Variants in CPLX4 observed in about 807,000 individuals in gnomAD.
CPLX4 encodes the protein complexin-4.
A neutral mutation model predicts 16.1 loss-of-function variants in CPLX4; 17 were observed. The ratio of observed to expected loss-of-function variants is 1.06; its 90% CI spans 0.72 to 1.59. The LOEUF (loss-of-function observed/expected upper bound fraction) is 1.59, where lower values mean the gene tolerates loss of function less well. Among genes scored for constraint, CPLX4 ranks in the 40% most tolerant of loss-of-function variants. The probability of loss-of-function intolerance (pLI) is 0.00; values close to 1 mark genes in which losing one functional copy is unlikely to be tolerated. For missense variants in CPLX4, 193 were observed against 192.9 expected, an observed-to-expected ratio of 1.00 and a Z score of 0.00; for synonymous variants, 55 against 57.8, an observed-to-expected ratio of 0.95 and a Z score of 0.22.
intron 2 of CPLX4, among the ~76,000 whole-genome samples, 174 bp downstream of exon 2, chr18:59,312,511 A>G (rs2070624059): frequency 6.8e-6 from 1 of 147,522 alleles, no homozygotes; most frequent in Non-Finnish European, 1.5e-5. Context: ...GAATATATAT[A>G]TATCCTGAAT....
At chr18:59,309,633 T>C (rs995157222) in intron 2 of CPLX4, among the ~76,000 whole-genome samples, 8 of 151,710 alleles carry the variant, frequency 5.3e-5, no homozygotes, top group South Asian at 4.2e-4. Flanking sequence ...ACCATCCTGG[T>C]TAACACGGTG....
At chr18:59,314,602 C>T (rs940052816) in intron 1 of CPLX4, among the ~76,000 whole-genome samples, 57 of 152,172 alleles carry the variant, frequency 3.7e-4, no homozygotes, top group African/African-American at 1.4e-3. Flanking sequence ...CCCAAAAACC[C>T]TCTCAAGATA....
chr18:59,305,464 T>A (rs1186124123), intron 2 of CPLX4, among the ~76,000 whole-genome samples: 1 of 152,236 alleles, frequency 6.6e-6, no homozygotes, highest in East Asian at 1.9e-4. Context: ...AGAAAAGCTA[T>A]GGTGAATTGA....
In CPLX4 at chr18:59,318,422, T is replaced by G. The variant is rs1398426786; in HGVS notation, c.41A>C (p.Lys14Thr). The stretch of plus-strand genomic sequence containing the variant: ...AGACCCACCACCAAATCCTAAATTC[T>G]TTACCTGGTTACTTATCATACTTTT... Reference protein sequence around the residue: ...LMKSMISNQVKNLGFGGGSEE... With the variant: ...LMKSMISNQVTNLGFGGGSEE... The change falls in exon 1 of 3, where the codon AAG (lysine) becomes ACG (threonine). Residue 14 changes from lysine (K) to threonine (T), a missense_variant. By Grantham distance (78) the Lys-to-Thr change is moderately conservative. Coordinates refer to ENST00000299721, the MANE Select transcript of CPLX4 (RefSeq NM_181654.4). 9 of 1,613,718 alleles carry G rather than the reference T, an allele frequency of 5.6e-6. No homozygotes were observed. In the East Asian group the frequency reaches 1.6e-4, roughly 28 times the overall value.
chr18:59,297,494 G>A (rs1316708310), intron 2 of CPLX4, among the ~76,000 whole-genome samples: 1 of 152,018 alleles, frequency 6.6e-6, no homozygotes, highest in Non-Finnish European at 1.5e-5. Flanking sequence ...TGGCCAGGCT[G>A]GTCTCGAACT....
chr18:59,311,419 A>G (rs1422404749), intron 2 of CPLX4, among the ~76,000 whole-genome samples: 1 of 152,182 alleles, frequency 6.6e-6, no homozygotes, highest in South Asian at 2.1e-4. Flanking sequence ...TGGTGATTTC[A>G]TCAGTGACCT....
chr18:59,304,642 G>A (rs887884170), intron 2 of CPLX4, among the ~76,000 whole-genome samples: 1 of 152,074 alleles, frequency 6.6e-6, no homozygotes, highest in Admixed American at 6.6e-5. Flanking sequence ...CACAATCTCG[G>A]CTCACTGCAA....
chr18:59,309,528 T>C (rs1469145697), intron 2 of CPLX4, among the ~76,000 whole-genome samples: 1 of 152,080 alleles, frequency 6.6e-6, no homozygotes, highest in East Asian at 1.9e-4. Flanking sequence ...CTCAAAATAT[T>C]AAGAGTAGAA....
chr18:59,314,244 C>A (rs1308516299), intron 1 of CPLX4, among the ~76,000 whole-genome samples: 2 of 152,124 alleles, frequency 1.3e-5, no homozygotes, highest in Admixed American at 6.5e-5. Context: ...AAGCAGCAGA[C>A]CTTTTCTCCC....
At chr18:59,308,912 G>A (rs985496339) in intron 2 of CPLX4, among the ~76,000 whole-genome samples, 1 of 152,236 alleles carries the variant, frequency 6.6e-6, no homozygotes, top group Non-Finnish European at 1.5e-5. Flanking sequence ...GTGACAGCGC[G>A]GGAGGCAGAG....
intron 2 of CPLX4, among the ~76,000 whole-genome samples, chr18:59,303,310 C>T (rs1413519339): frequency 1.3e-5 from 2 of 152,080 alleles, no homozygotes; most frequent in Non-Finnish European, 2.9e-5. Flanking sequence ...AGTGTGCATG[C>T]GTTGGGAGCT....
At position 59,296,564 on chromosome 18, in the gene CPLX4, A is replaced by G. The variant is rs2070501881; in HGVS notation, c.*134T>C. On this transcript the variant is annotated 3_prime_UTR_variant, in exon 3 of 3. Transcript: ENST00000299721. ...CAGGAATATTTAGAACAACCAAATT[A>G]TTGTCTGTCAATGGATCATCGTGGT... 1 of 910,714 alleles carries G rather than the reference A, an allele frequency of 1.1e-6. No individual in the cohort carries two copies. The highest frequency in any genetic ancestry group is 1.7e-6 in the Non-Finnish European group (1 of 591,126). The allele number at this position is 910,714 out of a possible 1,614,324, so 56.4% of individuals were successfully genotyped here.
chr18:59,300,589 C>G (rs944570477), intron 2 of CPLX4, among the ~76,000 whole-genome samples: 11 of 152,166 alleles, frequency 7.2e-5, no homozygotes, highest in African/African-American at 2.4e-4. Context: ...TAGATGGCCT[C>G]TTTGAGCTTT....
chr18:59,300,698 A>G (rs1344201792), intron 2 of CPLX4, among the ~76,000 whole-genome samples: 1 of 152,218 alleles, frequency 6.6e-6, no homozygotes. Context: ...TTAAGCACTC[A>G]CCCAGTAGTA....
chr18:59,308,024 C>T lies in CPLX4; in HGVS notation c.255+4661G>A, dbSNP rs141341520. 8.3e-3 allele frequency among the ~76,000 whole-genome samples: 1,256 copies of T among 151,920 alleles called. 19 individuals carry two copies. The highest frequency in any genetic ancestry group is 0.028 in the African/African-American group (1,176 of 41,428). ...AACTCTTGACCTCAGGTGATCCGCC[C>T]GCCTCGGCCTCTCAATGTGCTGGGA... is the stretch of plus-strand genomic sequence containing the variant. On this transcript the variant is annotated intron_variant, in intron 2 of 2. Transcript: ENST00000299721.
At chr18:59,309,839 AAAAG>A (rs568766262) in intron 2 of CPLX4, among the ~76,000 whole-genome samples, 2,631 of 110,272 alleles carry the variant, frequency 0.024, 50 homozygotes, top group East Asian at 0.12. Context: ...AAAAAAAAAA[AAAAG>A]AAAAAGAAAA....
intron 2 of CPLX4, among the ~76,000 whole-genome samples, chr18:59,298,479 A>G (rs1332771209): frequency 6.6e-6 from 1 of 152,200 alleles, no homozygotes; most frequent in African/African-American, 2.4e-5. Context: ...TCTATGTTAG[A>G]GCCACCTGAA....
At chr18:59,309,549 C>A (rs927556787) in intron 2 of CPLX4, among the ~76,000 whole-genome samples, 2 of 152,122 alleles carry the variant, frequency 1.3e-5, no homozygotes, top group African/African-American at 2.4e-5. Context: ...AGAGGCCGGG[C>A]GCAGTGGCTC....
chr18:59,314,245 C>T (rs1056398781), intron 1 of CPLX4, among the ~76,000 whole-genome samples: 1 of 152,116 alleles, frequency 6.6e-6, no homozygotes, highest in Non-Finnish European at 1.5e-5. Context: ...AGCAGCAGAC[C>T]TTTTCTCCCC....
Sources: allele counts gnomAD v4.1 joint callset (sites outside exome capture counted in the v4.1 genomes callset), GRCh38; gene constraint gnomAD v4.1.1; transcripts MANE v1.5; gene names NCBI Gene and HGNC (gene_info 2026-07-23, HGNC 2026-07-21).